The following ZNF185 variants were observed in gnomAD, a reference collection of about 807,000 sequenced individuals.
The protein encoded by ZNF185 is zinc finger protein 185 with LIM domain.
A neutral mutation model predicts 58.6 loss-of-function variants in ZNF185; 56 were observed. The ratio of observed to expected loss-of-function variants is 0.95; its 90% CI spans 0.77 to 1.19. The LOEUF is 1.19. Among genes scored for constraint, ZNF185 ranks in the 50% most tolerant of loss-of-function variants. The probability of loss-of-function intolerance (pLI) is 0.00; values close to 1 mark genes in which losing one functional copy is unlikely to be tolerated. For synonymous variants in ZNF185, 230 were observed against 215.9 expected (o/e 1.07, Z -0.57); for missense variants, 627 against 573.5 (o/e 1.09, Z -0.95).
upstream of ZNF185, among the ~76,000 whole-genome samples, chrX:152,914,143 G>C (rs1437339939): frequency 9.0e-6 from 1 of 111,713 alleles, no homozygotes; most frequent in Admixed American, 9.5e-5. Flanking sequence ...CACTCTGTAG[G>C]AGGGCTCATG....
At chrX:152,968,155 A>G (rs1243922164) in intron 20 of ZNF185, among the ~76,000 whole-genome samples, 1 of 112,452 alleles carries the variant, frequency 8.9e-6, no homozygotes. Context: ...CTCCTCCACT[A>G]TAGCTGAAGA....
chrX:152,936,871 TCAGGGAGAAGATTCC>T (rs781889032), intron 14 of ZNF185, among the ~76,000 whole-genome samples: 6 of 109,639 alleles, frequency 5.5e-5, no homozygotes, highest in Admixed American at 9.7e-5. Flanking sequence ...CAAGCAGGAG[TCAGGGAGAAGATTCC>T]CAGGGGCAGC....
intron 17 of ZNF185, among the ~76,000 whole-genome samples, chrX:152,962,608 G>A (rs1448522619): frequency 1.6e-4 from 18 of 112,002 alleles, no homozygotes; most frequent in African/African-American, 5.9e-4. Context: ...CTCCCATCCA[G>A]TCCACCTTCT....
exon 1 of ZNF185, chrX:152,914,455 G>T: frequency 8.7e-7 from 1 of 1,151,212 alleles, no homozygotes; most frequent in Non-Finnish European, 1.2e-6. Context: ...AAGCCCTGCT[G>T]AATCAAGTGA....
intron 13 of ZNF185, among the ~76,000 whole-genome samples, chrX:152,932,626 C>G (rs1335472200): frequency 8.9e-6 from 1 of 112,026 alleles, no homozygotes; most frequent in Non-Finnish European, 1.9e-5. Context: ...TCAGCTCCCC[C>G]CACCACCAAC....
chrX:152,918,198 G>A, intron 6 of ZNF185, 44 bp downstream of exon 7: 2 of 1,160,242 alleles, frequency 1.7e-6, no homozygotes, highest in South Asian at 3.8e-5. Flanking sequence ...CTCCTCCAAG[G>A]AACAAGTCCA....
chrX:152,928,798 G>A (rs1941378086), intron 12 of ZNF185, 137 bp downstream of exon 13: 2 of 605,162 alleles, frequency 3.3e-6, no homozygotes, highest in Non-Finnish European at 5.1e-6. Context: ...AGGCATGGTC[G>A]ACCTGGGTTT....
intron 16 of ZNF185, among the ~76,000 whole-genome samples, chrX:152,949,099 TAGAA>T (rs1346074683): frequency 1.0e-5 from 1 of 99,204 alleles, no homozygotes; most frequent in Non-Finnish European, 2.1e-5. Flanking sequence ...AGTGACAATT[TAGAA>T]AGCCACATTT....
chrX:152,946,524 T>C (rs2047804589), intron 16 of ZNF185, among the ~76,000 whole-genome samples: 1 of 111,823 alleles, frequency 8.9e-6, no homozygotes, highest in Non-Finnish European at 1.9e-5. Flanking sequence ...TGCTGTCACA[T>C]TGTGTGGCTT....
At chrX:152,947,395 A>T (rs1342891133) in intron 16 of ZNF185, among the ~76,000 whole-genome samples, 2 of 111,420 alleles carry the variant, frequency 1.8e-5, no homozygotes, top group Non-Finnish European at 3.8e-5. Flanking sequence ...AAATAAAAAT[A>T]AAAAAAATAA....
At chrX:152,907,747 T>C in the ZNF185 span, among the ~76,000 whole-genome samples, 2 of 112,129 alleles carry the variant, frequency 1.8e-5, no homozygotes, top group African/African-American at 6.5e-5. Context: ...TACTGTGGAG[T>C]GTGGCCACAT....
intron 16 of ZNF185, among the ~76,000 whole-genome samples, chrX:152,946,004 G>A (rs1319486357): frequency 8.9e-6 from 1 of 112,459 alleles, no homozygotes; most frequent in Non-Finnish European, 1.9e-5. Context: ...CACTGTGCAT[G>A]AGCAAGAGGA....
intron 16 of ZNF185, among the ~76,000 whole-genome samples, chrX:152,953,948 C>T (rs1221229926): frequency 9.0e-6 from 1 of 110,807 alleles, no homozygotes; most frequent in Admixed American, 9.6e-5. Flanking sequence ...GCCATGCTGG[C>T]CAGGCTGGTC....
exon 20 of ZNF185, chrX:152,967,175 G>T (rs2050203658): frequency 5.0e-6 from 6 of 1,211,225 alleles, no homozygotes; most frequent in Non-Finnish European, 6.7e-6. Flanking sequence ...AGCGTCAGCA[G>T]CATTGAGGAC....
intron 19 of ZNF185, among the ~76,000 whole-genome samples, chrX:152,966,008 TTTAA>T (rs1287290589): frequency 9.1e-6 from 1 of 110,044 alleles, no homozygotes; most frequent in Non-Finnish European, 1.9e-5. Context: ...GTTAATTAAT[TTTAA>T]TTAATTTTTT....
intron 18 of ZNF185, among the ~76,000 whole-genome samples, chrX:152,964,364 G>C (rs2049892996): frequency 8.9e-6 from 1 of 112,594 alleles, no homozygotes; most frequent in Admixed American, 9.4e-5. Context: ...TTGGCAGGCT[G>C]CACAAGCATG....
intron 8 of ZNF185, 38 bp from the exon 10 acceptor site, chrX:152,920,669 G>C (rs1939524480): frequency 1.7e-6 from 2 of 1,211,185 alleles, no homozygotes; most frequent in East Asian, 5.9e-5. Context: ...CTGCCCACGG[G>C]CTCTGCCCAA....
At chrX:152,967,339 A>G in intron 20 of ZNF185, 101 bp downstream of exon 22, 1 of 843,334 alleles carries the variant, frequency 1.2e-6, no homozygotes. Context: ...TCTGCTTTGC[A>G]GCCTCCAATC....
rs374699157 is a variant in ZNF185 at position 152,965,474 on chromosome X, C to T, written c.1746C>T (p.Tyr582=). Residue 582 remains tyrosine, a synonymous_variant, in exon 19 of 23, where the codon TAC becomes TAT. Coordinates refer to ENST00000449285, the Ensembl canonical transcript of ZNF185. ...AAGGGATTCTCTTCGTGAAGGAGTA[C>T]GTGAATGCTAGTGAAGTGTCTTCTG... is the stretch of plus-strand genomic sequence containing the variant. 3.6e-4 allele frequency: 428 copies of T among 1,185,757 alleles called. 5 individuals are homozygous for T. In the South Asian group the frequency reaches 7.1e-3, roughly 20 times the overall value.
Sources: gnomAD v4.1 joint callset for allele counts (sites outside exome capture counted in the v4.1 genomes callset) on GRCh38, gnomAD v4.1.1 for gene constraint, MANE v1.5 for transcripts, NCBI Gene and HGNC (gene_info 2026-07-23, HGNC 2026-07-21) for gene names.